Variants in FMNL1 observed in about 807,000 individuals in gnomAD.
FMNL1 encodes formin like 1.
FMNL1 carries 43 observed loss-of-function variants against 121.3 expected under a neutral mutation model. The ratio of observed to expected loss-of-function variants is 0.35; its 90% confidence interval spans 0.28 to 0.46. The LOEUF is 0.46. Among genes scored for constraint, FMNL1 ranks in the 20% least tolerant of loss-of-function variants. FMNL1 has a pLI of 1.00. For synonymous variants in FMNL1, 613 were observed against 613.5 expected, an observed-to-expected ratio of 1.00 and a Z score of 0.01; for missense variants, 1,191 against 1,482.4, an observed-to-expected ratio of 0.80 and a Z score of 3.23.
Position 45,241,085 on chromosome 17 carries a change from G to C in FMNL1, c.1231-44G>C. 1.2e-6 allele frequency: 2 copies of C among 1,609,404 alleles called. No individual in the cohort carries two copies. The highest frequency in any genetic ancestry group is 2.2e-5 in the East Asian group (1 of 44,788). On this transcript the variant is annotated intron_variant, in intron 12 of 26. Coordinates refer to ENST00000331495, the MANE Select transcript of FMNL1 (RefSeq NM_005892.4). This position sits in a 1 kb window ranked among gnomAD's most constrained non-coding sequence, Gnocchi z 7.0. Reference sequence around the variant, plus strand: ...TGCCGCCCCCTCACCGGCGGTGCCAGTGCCGGGCTGCGGGTCGGGGCTCAC... The same window carrying C: ...TGCCGCCCCCTCACCGGCGGTGCCACTGCCGGGCTGCGGGTCGGGGCTCAC...
At chr17:45,235,018 C>T (rs1454851163) in intron 6 of FMNL1, among the ~76,000 whole-genome samples, 1 of 152,200 alleles carries the variant, frequency 6.6e-6, no homozygotes, top group East Asian at 1.9e-4. Flanking sequence ...AGTAGATGGA[C>T]CCTAGAGCAT....
At chr17:45,244,489 C>T (rs2043784413) in intron 19 of FMNL1, among the ~76,000 whole-genome samples, 1 of 152,210 alleles carries the variant, frequency 6.6e-6, no homozygotes, top group South Asian at 2.1e-4. Flanking sequence ...GCAACCTCAC[C>T]TGCTCAGTGG....
chr17:45,233,076 T>G lies in FMNL1; in HGVS notation c.328-148T>G. The G allele has an allele frequency of 1.4e-6, 1 of 733,878 alleles. No individual in the cohort carries two copies. The highest frequency in any genetic ancestry group is 2.4e-6 in the Non-Finnish European group (1 of 413,356). 45.5% of individuals were successfully genotyped at this position (733,878 alleles called of 1,614,324 possible). A position where few individuals can be genotyped will look rare whatever the true frequency, so the allele number is the denominator to read the frequency against. On this transcript the variant is annotated intron_variant, in intron 3 of 26. Coordinates refer to ENST00000331495, the MANE Select transcript of FMNL1 (RefSeq NM_005892.4). This position sits in a 1 kb window ranked among gnomAD's most constrained non-coding sequence, Gnocchi z 4.1. ...GTGAGTTCTTATTCTGCTGGGCAGG[T>G]GTGTGGAGGTGGTGGGGGAGGCTGA...
chr17:45,236,205 C>A lies in FMNL1; in HGVS notation c.684C>A (p.His228Gln). 6.2e-7 allele frequency: 1 copy of A among 1,614,072 alleles called. No individual in the cohort carries two copies. Among genetic ancestry groups the A allele is most frequent in the Non-Finnish European group, 8.5e-7 (1 of 1,180,024 alleles). The change falls in exon 7 of 27, where the codon CAC becomes CAA. Residue 228 changes from histidine to glutamine, a missense_variant. This residue lies in a region of FMNL1 where 253 missense variants were observed against 417.5 expected (regional missense o/e 0.61). Transcript: ENST00000331495. ...SRIVSQKDDV[H>Q]VCIMCLRAIM... ...TCGTCAGCCAGAAGGACGACGTCCA[C>A]GTCTGTATTATGTGCCTACGCGCCA...
At position 45,226,904 on chromosome 17, in the gene FMNL1, C is replaced by T. The variant is rs113617260; in HGVS notation, c.130-3700C>T. 1.4e-3 allele frequency among the ~76,000 whole-genome samples: 210 copies of T among 152,258 alleles called. 1 individual carries two copies. The Middle Eastern group carries it at 0.024, about 17-fold the overall frequency. The stretch of plus-strand genomic sequence containing the variant: ...AGCACCTGATCCTGGGGCTGGGTCT[C>T]CTCATAGATCTCCTGTAAGCCTGGA... On this transcript the variant is annotated intron_variant, in intron 1 of 26. Transcript: ENST00000331495.
intron 23 of FMNL1, 59 bp downstream of exon 23, chr17:45,245,792 C>T: frequency 1.3e-6 from 2 of 1,594,928 alleles, no homozygotes; most frequent in Non-Finnish European, 1.7e-6. Context: ...TTCTACTGGG[C>T]AGCGGAGGGG....
rs1332720131 is a variant in FMNL1, at chr17:45,244,167, C to A, written c.2449-9C>A. The A allele has an allele frequency of 3.7e-6, 6 of 1,612,626 alleles. No individual in the cohort carries two copies. The African/African-American group carries it at 8.0e-5, about 22-fold the overall frequency. On this transcript the variant is annotated splice_polypyrimidine_tract_variant and intron_variant, in intron 18 of 26. Transcript: ENST00000331495. The stretch of plus-strand genomic sequence containing the variant: ...CCAACTTATCTTACCTCCCCCATCC[C>A]ACCCCCAGCAACTGAATGCCATCAT...
At chr17:45,238,457 C>T (rs956784311) in intron 9 of FMNL1, 107 bp from the exon 10 acceptor site, 1 of 1,165,914 alleles carries the variant, frequency 8.6e-7, no homozygotes, top group East Asian at 2.4e-5. Flanking sequence ...CGTGGCTCAA[C>T]TTAGAATTAA....
At chr17:45,236,016 A>G in intron 6 of FMNL1, 120 bp from the exon 7 acceptor site, 2 of 763,386 alleles carry the variant, frequency 2.6e-6, no homozygotes, top group South Asian at 1.7e-5. Flanking sequence ...GGTTGGGTAG[A>G]TGGGATGTGG....
chr17:45,245,765 G>A (rs769085887), intron 23 of FMNL1, 32 bp downstream of exon 23: 1 of 1,606,064 alleles, frequency 6.2e-7, no homozygotes, highest in Non-Finnish European at 8.5e-7. Context: ...TGGGAGCCCT[G>A]TAGGGCACTG....
rs752780093 is a variant in FMNL1 at position 45,241,538 on chromosome 17, G to A, written c.1489G>A (p.Asp497Asn). ...GLIRILRGPGDAVSIEILPVA... is the reference protein window; with the variant it reads ...GLIRILRGPGNAVSIEILPVA... Reference sequence around the variant, plus strand: ...AATCCGTATTCTGCGGGGGCCGGGGGATGCTGTCTCCATCGAGATCCTCCC... The same window carrying A: ...AATCCGTATTCTGCGGGGGCCGGGGAATGCTGTCTCCATCGAGATCCTCCC... Residue 497 changes from aspartate to asparagine, a missense_variant, in exon 14 of 27, where the codon GAT becomes AAT. Physicochemically the swap from Asp to Asn is conservative, Grantham distance 23. Transcript: ENST00000331495. This position sits in a 1 kb window ranked among gnomAD's most constrained non-coding sequence, Gnocchi z 7.0. 2 of 1,576,498 alleles carry A rather than the reference G, an allele frequency of 1.3e-6. No homozygotes were observed. The highest frequency in any genetic ancestry group is 1.8e-5 in the Admixed American group (1 of 54,346).
At chr17:45,246,777 T>A (rs1319183633) in intron 26 of FMNL1, 90 bp from the exon 27 acceptor site, 1 of 718,860 alleles carries the variant, frequency 1.4e-6, no homozygotes, top group East Asian at 2.7e-5. Context: ...ACAATCTGAG[T>A]CCTTAGGAGG....
rs1380473677 is a variant in FMNL1 at position 45,233,833 on chromosome 17, C to G, written c.485+102C>G. Reference sequence around the variant, plus strand: ...CTGGCCAGTTTCAAGCCAGGCAGCCCGAGCCTACCCTGGAACCCTCCACTT... The same window carrying G: ...CTGGCCAGTTTCAAGCCAGGCAGCCGGAGCCTACCCTGGAACCCTCCACTT... On this transcript the variant is annotated intron_variant, in intron 5 of 26. Transcript: ENST00000331495. The surrounding 1 kb of genome is among the most constrained non-coding windows in gnomAD (Gnocchi z 4.1). The G allele has an allele frequency of 8.1e-6, 12 of 1,478,186 alleles. No individual in the cohort carries two copies. Among genetic ancestry groups the G allele is most frequent in the Non-Finnish European group, 1.1e-5 (12 of 1,088,892 alleles). 91.6% of individuals were successfully genotyped at this position (1,478,186 alleles called of 1,614,324 possible).
chr17:45,239,010 TC>T lies in FMNL1; in HGVS notation c.1027del (p.Arg343ValfsTer69). On this transcript the variant is annotated frameshift_variant, in exon 11 of 27. Transcript: ENST00000331495. LOFTEE classifies it high-confidence loss of function. ...GTACATTCGGTGGAGAACATGAACT[TC>T]CGTGTCTTCCTGCAATATGAGTTCA... ...IVVHSVENMN[F>X]RVFLQYEFTH... 1.9e-6 allele frequency: 3 copies of T among 1,614,148 alleles called. No individual in the cohort carries two copies. Among genetic ancestry groups the T allele is most frequent in the Non-Finnish European group, 2.5e-6 (3 of 1,180,020 alleles).
rs775132345 is a variant in FMNL1 at position 45,243,965 on chromosome 17, G to A, written c.2388G>A (p.Glu796=). 1 of 1,613,200 alleles carries A rather than the reference G, an allele frequency of 6.2e-7. No homozygotes were observed. The highest frequency in any genetic ancestry group is 8.5e-7 in the Non-Finnish European group (1 of 1,179,998). Residue 796 remains glutamate, a synonymous_variant, in exon 18 of 27, where the codon GAG becomes GAA. Coordinates refer to ENST00000331495, the MANE Select transcript of FMNL1 (RefSeq NM_005892.4). ...TCAGCCGCATCCCGCGCCTGCCGGA[G>A]CGCATGACCACACTCACCTTCCTGG... ...LCFSRIPRLP[E]RMTTLTFLGN...
chr17:45,245,672 C>A lies in FMNL1; in HGVS notation c.2933C>A (p.Pro978His). 1 of 1,614,112 alleles carries A rather than the reference C, an allele frequency of 6.2e-7. No individual in the cohort carries two copies. Among genetic ancestry groups the A allele is most frequent in the Non-Finnish European group, 8.5e-7 (1 of 1,179,994 alleles). ...ESVVEYFGENPKTTSPGLFFS... is the reference protein window; with the variant it reads ...ESVVEYFGENHKTTSPGLFFS... ...GTGGTGGAGTACTTCGGAGAGAACC[C>A]CAAGACCACATCCCCAGGCCTGTTC... Residue 978 changes from proline (P) to histidine (H), a missense_variant, in exon 23 of 27, where the codon CCC (proline) becomes CAC (histidine). Physicochemically the swap from Pro to His is moderately conservative, Grantham distance 77. Coordinates refer to ENST00000331495, the MANE Select transcript of FMNL1 (RefSeq NM_005892.4).
In FMNL1 at chr17:45,245,954, G is replaced by T; in HGVS notation, c.3071G>T (p.Gly1024Val). ...GCAGGCGCTGATACCCCGGGCAAAG[G>T]GGAGCCCCCAGCACCCAAGGTAGGC... ...QEAGADTPGKGEPPAPKSPPK... is the reference protein window; with the variant it reads ...QEAGADTPGKVEPPAPKSPPK... Residue 1024 changes from glycine (G) to valine (V), a missense_variant, in exon 24 of 27, where the codon GGG becomes GTG. Transcript: ENST00000331495. 1 of 1,575,916 alleles carries T rather than the reference G, an allele frequency of 6.3e-7. No individual in the cohort carries two copies. The highest frequency in any genetic ancestry group is 8.6e-7 in the Non-Finnish European group (1 of 1,165,924).
chr17:45,240,407 G>A (rs2043659053), intron 11 of FMNL1, 69 bp from the exon 12 acceptor site: 3 of 1,483,788 alleles, frequency 2.0e-6, no homozygotes, highest in Non-Finnish European at 2.7e-6. Flanking sequence ...GTGGCAGGGG[G>A]GTGGTTTGGA....
rs997959628 is a variant in FMNL1, at chr17:45,233,215, G to C, written c.328-9G>C. ...CCACCCACCAGCCTTCCCTGTTCTC[G>C]GTCCCCAGTTTAAGAGGCGAGTTCA... is the stretch of plus-strand genomic sequence containing the variant. On this transcript the variant is annotated splice_polypyrimidine_tract_variant and intron_variant, in intron 3 of 26. Coordinates refer to ENST00000331495, the MANE Select transcript of FMNL1 (RefSeq NM_005892.4). The surrounding 1 kb of genome is among the most constrained non-coding windows in gnomAD (Gnocchi z 4.1). 21 of 1,554,080 alleles carry C rather than the reference G, an allele frequency of 1.4e-5. No individual in the cohort carries two copies. The highest frequency in any genetic ancestry group is 1.7e-5 in the Non-Finnish European group (20 of 1,148,492).
Sources: allele counts gnomAD v4.1 joint callset (sites outside exome capture counted in the v4.1 genomes callset), GRCh38; gene constraint gnomAD v4.1.1; regional missense constraint gnomAD v4.1.1; non-coding constraint Gnocchi (gnomAD v3.1); transcripts MANE v1.5; gene names NCBI Gene and HGNC (gene_info 2026-07-23, HGNC 2026-07-21).